MRPL48: variants seen among roughly 807,000 people sequenced by gnomAD.
MRPL48 encodes large ribosomal subunit protein mL48.
MRPL48 carries 16 observed loss-of-function variants against 32.9 expected under a neutral mutation model. The observed-to-expected ratio is 0.49, with a 90% CI of 0.33 to 0.74. The LOEUF (loss-of-function observed/expected upper bound fraction) is 0.74, where lower values mean the gene tolerates loss of function less well. Among genes scored for constraint, MRPL48 ranks in the 30% least tolerant of loss-of-function variants. The pLI, the probability that MRPL48 is intolerant of heterozygous loss-of-function variation, is 0.02. For missense variants in MRPL48, 206 were observed against 245.3 expected, an observed-to-expected ratio of 0.84 and a Z score of 1.07; for synonymous variants, 94 against 89.2, an observed-to-expected ratio of 1.05 and a Z score of -0.31.
chr11:73,848,210 C>G lies in MRPL48; in HGVS notation c.371+3234C>G, dbSNP rs983965482. On this transcript the variant is annotated intron_variant, in intron 5 of 7. Coordinates refer to ENST00000310614, the MANE Select transcript of MRPL48 (RefSeq NM_016055.6). ...TTGGCATATGAATATTCAGTTGTTT[C>G]CAGCACCATTTGTTGGAAAGATTTT... Among the ~76,000 whole-genome samples the G allele has an allele frequency of 5.3e-5, 8 of 151,434 alleles. 1 individual carries two copies. Among genetic ancestry groups the G allele is most frequent in the African/African-American group, 4.8e-5 (2 of 41,292 alleles).
At chr11:73,852,306 C>T (rs994764815) in intron 5 of MRPL48, among the ~76,000 whole-genome samples, 2 of 144,602 alleles carry the variant, frequency 1.4e-5, no homozygotes, top group African/African-American at 5.1e-5. Flanking sequence ...AAGCTCTGCC[C>T]ACAGAATGGG....
At chr11:73,794,280 G>C (rs1590927081) in intron 1 of MRPL48, among the ~76,000 whole-genome samples, 2 of 151,876 alleles carry the variant, frequency 1.3e-5, no homozygotes, top group Middle Eastern at 6.8e-3. Context: ...TCAAGGCCGG[G>C]CATGGTGGCT....
rs1565115972 is a variant in MRPL48, at chr11:73,864,461, C to A, written c.*91C>A. ...AGTTAGAGTTCATCAGGAGACCCAACCCTTAGATTTCATAAGTACCCATTC... is the reference window on the plus strand; with the variant it reads ...AGTTAGAGTTCATCAGGAGACCCAAACCTTAGATTTCATAAGTACCCATTC... On this transcript the variant is annotated 3_prime_UTR_variant, in exon 8 of 8. Coordinates refer to ENST00000310614, the MANE Select transcript of MRPL48 (RefSeq NM_016055.6). 1.5e-6 allele frequency: 2 copies of A among 1,295,168 alleles called. No homozygotes were observed. The highest frequency in any genetic ancestry group is 2.2e-6 in the Non-Finnish European group (2 of 911,130). The allele number at this position is 1,295,168 out of a possible 1,614,324, so 80.2% of individuals were successfully genotyped here.
chr11:73,825,534 A>AG (rs991064271), intron 3 of MRPL48, among the ~76,000 whole-genome samples, 174 bp from the exon 4 acceptor site: 2 of 150,200 alleles, frequency 1.3e-5, no homozygotes, highest in Non-Finnish European at 3.0e-5. Flanking sequence ...GTCGGCGGGG[A>AG]GGGGGGTGTG....
chr11:73,832,758 T>C (rs575597717), intron 4 of MRPL48: 1 of 152,352 alleles, frequency 6.6e-6, no homozygotes, highest in South Asian at 2.1e-4. Context: ...TAGACATGTA[T>C]TATAGGACTG....
At chr11:73,837,084 C>T (rs1223135225) in intron 4 of MRPL48, among the ~76,000 whole-genome samples, 1 of 152,216 alleles carries the variant, frequency 6.6e-6, no homozygotes, top group Non-Finnish European at 1.5e-5. Context: ...TTCAAATCCT[C>T]GGGTGTAAAT....
At chr11:73,823,607 C>T (rs1458424839) in intron 3 of MRPL48, among the ~76,000 whole-genome samples, 2 of 150,744 alleles carry the variant, frequency 1.3e-5, no homozygotes, top group African/African-American at 4.9e-5. Context: ...TCTAGCTAGA[C>T]CTGATCTGAT....
intron 3 of MRPL48, among the ~76,000 whole-genome samples, chr11:73,812,894 C>T (rs1164071392): frequency 2.0e-5 from 3 of 150,684 alleles, no homozygotes; most frequent in Non-Finnish European, 4.4e-5. Flanking sequence ...GGACTACAGG[C>T]ATGCGCCACC....
chr11:73,788,002 A>C lies in MRPL48; in HGVS notation c.21+10A>C, dbSNP rs764793069. On this transcript the variant is annotated intron_variant, in intron 1 of 7. Transcript: ENST00000310614. The stretch of plus-strand genomic sequence containing the variant: ...CGGAACCTTGGAAAAGGTAACGTAG[A>C]TTCCACGCACGCGGGGCGCGGGGAG... The C allele has an allele frequency of 1.3e-5, 20 of 1,565,818 alleles. No individual in the cohort carries two copies. The highest frequency in any genetic ancestry group is 1.7e-5 in the Non-Finnish European group (20 of 1,155,642).
At chr11:73,860,859 C>T (rs1170312510) in intron 6 of MRPL48, among the ~76,000 whole-genome samples, 1 of 152,182 alleles carries the variant, frequency 6.6e-6, no homozygotes, top group Non-Finnish European at 1.5e-5. Context: ...TACTCATTAG[C>T]AGTCACTCCT....
intron 1 of MRPL48, among the ~76,000 whole-genome samples, chr11:73,799,598 G>A (rs1947319679): frequency 6.6e-6 from 1 of 152,036 alleles, no homozygotes; most frequent in South Asian, 2.1e-4. Flanking sequence ...TACTTCACAG[G>A]CATGGAACAT....
intron 6 of MRPL48, among the ~76,000 whole-genome samples, chr11:73,860,888 C>T (rs1591013553): frequency 1.3e-5 from 2 of 152,300 alleles, no homozygotes; most frequent in East Asian, 3.9e-4. Flanking sequence ...GTCGCCCTAA[C>T]CCCTTGCAGC....
intron 3 of MRPL48, among the ~76,000 whole-genome samples, chr11:73,813,238 C>CT (rs1947600812): frequency 6.6e-6 from 1 of 152,108 alleles, no homozygotes; most frequent in South Asian, 2.1e-4. Context: ...GTGGCATGAT[C>CT]TTGGCTCACT....
chr11:73,852,451 C>A (rs1477237968), intron 5 of MRPL48, among the ~76,000 whole-genome samples: 2 of 142,982 alleles, frequency 1.4e-5, no homozygotes, highest in Admixed American at 6.9e-5. Flanking sequence ...GACAAAAGAT[C>A]TGAATAGACG....
intron 5 of MRPL48, among the ~76,000 whole-genome samples, chr11:73,854,878 G>T (rs1011940595): frequency 6.6e-6 from 1 of 152,112 alleles, no homozygotes; most frequent in African/African-American, 2.4e-5. Context: ...ACGTATCAAA[G>T]CTGGAGCCAA....
intron 1 of MRPL48, among the ~76,000 whole-genome samples, chr11:73,797,271 C>T (rs1351023049): frequency 6.6e-6 from 1 of 152,204 alleles, no homozygotes; most frequent in Non-Finnish European, 1.5e-5. Flanking sequence ...TTGTCTTGCT[C>T]ACCCTCCGCT....
At chr11:73,820,809 G>A (rs1244682051) in intron 3 of MRPL48, among the ~76,000 whole-genome samples, 2 of 150,224 alleles carry the variant, frequency 1.3e-5, no homozygotes, top group African/African-American at 4.9e-5. Context: ...TGCCTTTCTA[G>A]CTACTTCCCC....
At chr11:73,809,928 T>C (rs981966725) in intron 3 of MRPL48, among the ~76,000 whole-genome samples, 2 of 152,202 alleles carry the variant, frequency 1.3e-5, no homozygotes, top group African/African-American at 2.4e-5. Flanking sequence ...TCACCATTTC[T>C]ACTGGGCCCA....
At chr11:73,820,040 T>C (rs1947746077) in intron 3 of MRPL48, among the ~76,000 whole-genome samples, 1 of 152,142 alleles carries the variant, frequency 6.6e-6, no homozygotes, top group Non-Finnish European at 1.5e-5. Flanking sequence ...TGTTGGAGGG[T>C]GTAGGTGCAG....
Sources: gnomAD v4.1 joint callset for allele counts (sites outside exome capture counted in the v4.1 genomes callset) on GRCh38, gnomAD v4.1.1 for gene constraint, MANE v1.5 for transcripts, NCBI Gene and HGNC (gene_info 2026-07-23, HGNC 2026-07-21) for gene names.